The following GPM6A variants were observed in gnomAD, a reference collection of about 807,000 sequenced individuals.
GPM6A encodes neuronal membrane glycoprotein M6-a.
In GPM6A, 7 loss-of-function variants were observed where a neutral mutation model predicts 32.1. That is an observed-to-expected ratio of 0.22 (90% CI 0.12 to 0.41). The LOEUF (loss-of-function observed/expected upper bound fraction) is 0.41. Ranked by LOEUF, GPM6A falls within the 10% of genes least tolerant of loss-of-function variation. GPM6A has a pLI of 1.00. For synonymous variants in GPM6A, 130 were observed against 123.4 expected (o/e 1.05, Z -0.35); for missense variants, 235 against 347.2 (o/e 0.68, Z 2.57).
intron 1 of GPM6A, among the ~76,000 whole-genome samples, chr4:175,835,209 C>A (rs924686380): frequency 2.0e-5 from 3 of 152,150 alleles, no homozygotes; most frequent in Non-Finnish European, 4.4e-5. Context: ...ATAAACAGCA[C>A]ATGAGAATAT....
At chr4:175,994,838 T>C (rs762640789) in intron 1 of GPM6A, among the ~76,000 whole-genome samples, 4 of 152,238 alleles carry the variant, frequency 2.6e-5, no homozygotes, top group Non-Finnish European at 4.4e-5. Context: ...AGTAGAACTT[T>C]CAAAATTGGA....
At chr4:175,826,429 G>T (rs891237813) in intron 1 of GPM6A, among the ~76,000 whole-genome samples, 1 of 151,818 alleles carries the variant, frequency 6.6e-6, no homozygotes, top group Non-Finnish European at 1.5e-5. Context: ...ATAAAACACT[G>T]CTTTTTAAAT....
chr4:176,002,187 C>CG lies in GPM6A; in HGVS notation c.-23+121dup, dbSNP rs1189749525. On this transcript the variant is annotated intron_variant, in intron 1 of 7. Transcript: ENST00000280187. ...GGCGGGGGGCGGGGGACGCCAGGCG[C>CG]GGGGGGAACAGAGCTGGGAAGGACG... 1.1e-5 allele frequency: 12 copies of CG among 1,111,744 alleles called. No individual in the cohort carries two copies. In the East Asian group the frequency reaches 1.8e-4, roughly 17 times the overall value. 68.9% of individuals were successfully genotyped at this position (1,111,744 alleles called of 1,614,324 possible). A position where few individuals can be genotyped will look rare whatever the true frequency, so the allele number is the denominator to read the frequency against.
intron 1 of GPM6A, among the ~76,000 whole-genome samples, chr4:175,936,222 C>T (rs556881476): frequency 3.4e-4 from 45 of 130,910 alleles, no homozygotes; most frequent in Non-Finnish European, 3.4e-4. Context: ...AGGAGAATGG[C>T]GTAAACCCGG....
At chr4:175,986,559 A>C (rs1740981666) in intron 1 of GPM6A, among the ~76,000 whole-genome samples, 1 of 152,194 alleles carries the variant, frequency 6.6e-6, no homozygotes, top group Non-Finnish European at 1.5e-5. Flanking sequence ...CTCTACAAAC[A>C]AGAAAAAGAG....
At chr4:175,885,987 A>G (rs186998183) in intron 1 of GPM6A, among the ~76,000 whole-genome samples, 2 of 151,446 alleles carry the variant, frequency 1.3e-5, no homozygotes, top group Non-Finnish European at 2.9e-5. Flanking sequence ...TGAAAAGATA[A>G]AACGTAAAAT....
chr4:175,870,259 T>G (rs1736865628), intron 1 of GPM6A, among the ~76,000 whole-genome samples: 1 of 123,332 alleles, frequency 8.1e-6, no homozygotes, highest in African/African-American at 3.7e-5. Context: ...GTCAAATTTT[T>G]TTTTCAATTT....
chr4:175,836,863 C>T lies in GPM6A; in HGVS notation c.-22-24614G>A, dbSNP rs184762643. 1.1e-4 allele frequency among the ~76,000 whole-genome samples: 17 copies of T among 152,228 alleles called. No individual in the cohort carries two copies. The East Asian group carries it at 3.3e-3, about 29-fold the overall frequency. The stretch of plus-strand genomic sequence containing the variant: ...AAACTAAGGAGTGACATGATGTTAT[C>T]TGTTTTAAAATGGCTTCACCAGGCA... On this transcript the variant is annotated intron_variant, in intron 1 of 7. Coordinates refer to the GPM6A transcript ENST00000280187.
At chr4:175,701,465 G>T in intron 2 of GPM6A, 110 bp downstream of exon 2, 1 of 764,006 alleles carries the variant, frequency 1.3e-6, no homozygotes, top group Non-Finnish European at 2.2e-6. Flanking sequence ...CCCTAAAAGT[G>T]CTGTTTCATA....
chr4:175,667,584 T>G (rs1386447449), intron 3 of GPM6A, among the ~76,000 whole-genome samples: 1 of 152,194 alleles, frequency 6.6e-6, no homozygotes, highest in Non-Finnish European at 1.5e-5. Context: ...GTATCACTAT[T>G]GGTTCATTAA....
chr4:175,966,252 A>T (rs919574851), intron 1 of GPM6A, among the ~76,000 whole-genome samples: 3 of 151,826 alleles, frequency 2.0e-5, no homozygotes, highest in African/African-American at 7.3e-5. Context: ...AAATACAAAA[A>T]TTAGCCAGGC....
At chr4:175,902,544 A>G (rs1306086140) in intron 1 of GPM6A, among the ~76,000 whole-genome samples, 3 of 152,126 alleles carry the variant, frequency 2.0e-5, no homozygotes, top group Non-Finnish European at 4.4e-5. Context: ...AATAGGCAAC[A>G]TGGCATCGGA....
chr4:175,849,769 A>T (rs1736196600), intron 1 of GPM6A, among the ~76,000 whole-genome samples: 1 of 152,182 alleles, frequency 6.6e-6, no homozygotes, highest in Non-Finnish European at 1.5e-5. Flanking sequence ...GAAGACAGAA[A>T]TATTTATAGT....
At chr4:175,840,376 C>G (rs1267685740) in intron 1 of GPM6A, among the ~76,000 whole-genome samples, 1 of 152,048 alleles carries the variant, frequency 6.6e-6, no homozygotes, top group Admixed American at 6.6e-5. Flanking sequence ...AGAGAGTAAA[C>G]GAGTAATAAA....
intron 1 of GPM6A, among the ~76,000 whole-genome samples, chr4:175,820,862 T>C (rs1231182617): frequency 1.3e-5 from 2 of 152,220 alleles, no homozygotes; most frequent in Non-Finnish European, 2.9e-5. Flanking sequence ...CGCAACTTCT[T>C]CCTCAATCTT....
chr4:175,712,160 C>T (rs1048341119), intron 1 of GPM6A, among the ~76,000 whole-genome samples: 1 of 152,118 alleles, frequency 6.6e-6, no homozygotes, highest in Non-Finnish European at 1.5e-5. Flanking sequence ...ATCAATAAAG[C>T]AGTGAAAATG....
intron 1 of GPM6A, among the ~76,000 whole-genome samples, chr4:175,886,594 G>A (rs1737464892): frequency 1.3e-5 from 2 of 152,080 alleles, no homozygotes; most frequent in African/African-American, 2.4e-5. Flanking sequence ...CATCATTTGT[G>A]CATGTTAAAA....
At chr4:175,891,244 C>T (rs1737639210) in intron 1 of GPM6A, among the ~76,000 whole-genome samples, 2 of 152,158 alleles carry the variant, frequency 1.3e-5, no homozygotes, top group Non-Finnish European at 2.9e-5. Flanking sequence ...ACCAAATCTC[C>T]TCTATTTATG....
chr4:175,915,726 C>T (rs1205664184), intron 1 of GPM6A, among the ~76,000 whole-genome samples: 1 of 152,130 alleles, frequency 6.6e-6, no homozygotes, highest in Non-Finnish European at 1.5e-5. Flanking sequence ...TTTTCATCCA[C>T]CTCACTGGCA....
Sources: gnomAD v4.1 joint callset for allele counts (sites outside exome capture counted in the v4.1 genomes callset) on GRCh38, gnomAD v4.1.1 for gene constraint, MANE v1.5 for transcripts, NCBI Gene and HGNC (gene_info 2026-07-23, HGNC 2026-07-21) for gene names.